Variants in TENM2 observed in about 807,000 individuals in gnomAD.
The protein encoded by TENM2 is teneurin-2.
A neutral mutation model predicts 245.2 loss-of-function variants in TENM2; 52 were observed. That is an observed-to-expected ratio of 0.21 (90% CI 0.17 to 0.27). The LOEUF (loss-of-function observed/expected upper bound fraction) is 0.27, where lower values mean the gene tolerates loss of function less well. Among genes scored for constraint, TENM2 ranks in the 10% least tolerant of loss-of-function variants. The pLI, the probability that TENM2 is intolerant of heterozygous loss-of-function variation, is 1.00. For missense variants in TENM2, 3,046 were observed against 3,666.8 expected, an observed-to-expected ratio of 0.83 and a Z score of 4.37; for synonymous variants, 1,363 against 1,438.9, an observed-to-expected ratio of 0.95 and a Z score of 1.19.
At chr5:167,730,241 AT>A (rs1760325565) in intron 2 of TENM2, among the ~76,000 whole-genome samples, 1 of 152,188 alleles carries the variant, frequency 6.6e-6, no homozygotes, top group South Asian at 2.1e-4. Context: ...AGGAAAGGGA[AT>A]TTTTGGTCAC....
chr5:167,244,442 G>A, the TENM2 span, among the ~76,000 whole-genome samples: 10 of 152,282 alleles, frequency 6.6e-5, no homozygotes, highest in South Asian at 2.1e-3. Context: ...TCAACAATGT[G>A]GAAATGCAGT....
chr5:167,816,724 G>A (rs1040664482), intron 2 of TENM2, among the ~76,000 whole-genome samples: 3 of 152,126 alleles, frequency 2.0e-5, no homozygotes, highest in Admixed American at 6.6e-5. Flanking sequence ...AAGTGCCTAC[G>A]TATTATTTAG....
chr5:167,191,201 C>CAT, the TENM2 span, among the ~76,000 whole-genome samples: 1 of 151,962 alleles, frequency 6.6e-6, no homozygotes, highest in Non-Finnish European at 1.5e-5. Flanking sequence ...TAATCACACA[C>CAT]ATATATATAC....
chr5:167,694,076 T>G (rs1232668334), intron 2 of TENM2, among the ~76,000 whole-genome samples: 2 of 152,204 alleles, frequency 1.3e-5, no homozygotes, highest in African/African-American at 2.4e-5. Flanking sequence ...GATTTTAGTA[T>G]TATCAGAAAT....
At chr5:167,848,441 T>C (rs1414918787) in intron 2 of TENM2, among the ~76,000 whole-genome samples, 1 of 152,120 alleles carries the variant, frequency 6.6e-6, no homozygotes, top group East Asian at 1.9e-4. Context: ...TTGGCAAATA[T>C]ATATATATAA....
intron 1 of TENM2, among the ~76,000 whole-genome samples, chr5:167,337,033 C>T (rs1415112380): frequency 7.4e-6 from 1 of 135,324 alleles, no homozygotes; most frequent in Non-Finnish European, 1.5e-5. Flanking sequence ...AGGAGAATGG[C>T]GTGAACCCGG....
intron 2 of TENM2, among the ~76,000 whole-genome samples, chr5:167,868,476 C>T (rs546380558): frequency 5.1e-4 from 77 of 152,028 alleles, no homozygotes; most frequent in Non-Finnish European, 8.1e-4. Context: ...CAGTGGCTCA[C>T]GCCTGTAATC....
chr5:167,481,863 T>G (rs569738416), intron 2 of TENM2, among the ~76,000 whole-genome samples: 6 of 152,224 alleles, frequency 3.9e-5, no homozygotes, highest in Admixed American at 1.3e-4. Flanking sequence ...CGCCAAAAAC[T>G]GTGGGCATTT....
chr5:167,680,709 A>G (rs1756650856), intron 2 of TENM2, among the ~76,000 whole-genome samples: 1 of 152,190 alleles, frequency 6.6e-6, no homozygotes, highest in East Asian at 1.9e-4. Flanking sequence ...ACTGAACCCA[A>G]TAATGCTTAG....
At chr5:167,854,398 C>G (rs1770879248) in intron 2 of TENM2, among the ~76,000 whole-genome samples, 2 of 152,194 alleles carry the variant, frequency 1.3e-5, no homozygotes, top group South Asian at 4.1e-4. Flanking sequence ...ATGTTGAGCA[C>G]TTTTAACTCT....
At chr5:168,183,603 C>T (rs1431474475) in intron 13 of TENM2, among the ~76,000 whole-genome samples, 1 of 152,152 alleles carries the variant, frequency 6.6e-6, no homozygotes, top group Admixed American at 6.5e-5. Flanking sequence ...TCTTCATTTC[C>T]ATCACGAACA....
At chr5:167,761,575 A>C (rs2150711016) in intron 2 of TENM2, among the ~76,000 whole-genome samples, 1 of 152,356 alleles carries the variant, frequency 6.6e-6, no homozygotes, top group South Asian at 2.1e-4. Context: ...TCAAAAGGGA[A>C]GTTTTGCTTT....
intron 2 of TENM2, among the ~76,000 whole-genome samples, chr5:167,625,734 G>A (rs1457991092): frequency 1.3e-5 from 2 of 152,186 alleles, no homozygotes; most frequent in Non-Finnish European, 2.9e-5. Context: ...TAATGGGGCA[G>A]ATCTGGCTCA....
chr5:167,652,780 C>T (rs1043356707), intron 2 of TENM2, among the ~76,000 whole-genome samples: 4 of 152,170 alleles, frequency 2.6e-5, no homozygotes, highest in African/African-American at 4.8e-5. Context: ...TCAGGTCTTT[C>T]GGACCTGAAA....
the TENM2 span, among the ~76,000 whole-genome samples, chr5:167,051,853 C>T: frequency 6.6e-6 from 1 of 152,124 alleles, no homozygotes; most frequent in South Asian, 2.1e-4. Context: ...CATATTTGCC[C>T]ATGTCCCTTT....
intron 3 of TENM2, among the ~76,000 whole-genome samples, chr5:167,918,593 C>G (rs1246192140): frequency 6.6e-6 from 1 of 152,142 alleles, no homozygotes; most frequent in African/African-American, 2.4e-5. Context: ...CTTGACTTAT[C>G]AAGCACACTG....
the TENM2 span, among the ~76,000 whole-genome samples, chr5:167,223,783 C>T: frequency 6.6e-6 from 1 of 152,078 alleles, no homozygotes; most frequent in Admixed American, 6.6e-5. Flanking sequence ...TCCATAGTGG[C>T]TGTACTAATT....
At chr5:167,338,685 ATTAG>A (rs892238678) in intron 1 of TENM2, among the ~76,000 whole-genome samples, 1 of 152,176 alleles carries the variant, frequency 6.6e-6, no homozygotes, top group African/African-American at 2.4e-5. Context: ...CTTGCTATGT[ATTAG>A]TTAGCATGGT....
chr5:168,031,188 G>A (rs989878691), intron 5 of TENM2, among the ~76,000 whole-genome samples: 4 of 152,168 alleles, frequency 2.6e-5, no homozygotes, highest in African/African-American at 4.8e-5. Flanking sequence ...GAATGGGATC[G>A]GGGATCTGTG....
Sources: allele counts gnomAD v4.1 joint callset (sites outside exome capture counted in the v4.1 genomes callset), GRCh38; gene constraint gnomAD v4.1.1; transcripts MANE v1.5; gene names NCBI Gene and HGNC (gene_info 2026-07-23, HGNC 2026-07-21).